The following PADI4 variants were observed in gnomAD, a reference collection of about 807,000 sequenced individuals.
The protein encoded by PADI4 is protein-arginine deiminase type-4.
PADI4 carries 62 observed loss-of-function variants against 75.0 expected under a neutral mutation model. The ratio of observed to expected loss-of-function variants is 0.83; its 90% CI spans 0.67 to 1.02. PADI4 has a LOEUF of 1.02. PADI4 is among the 50% of genes least tolerant of loss of function. The pLI is 0.00. For synonymous variants in PADI4, 361 were observed against 348.1 expected (o/e 1.04, Z -0.41); for missense variants, 845 against 850.5 (o/e 0.99, Z 0.08).
Position 17,342,307 on chromosome 1 carries a change from C to T in PADI4, c.840C>T (p.Pro280=), listed in dbSNP as rs372048510. ...SLLDTSNLEL[P]EAVVFQDSVV... is the part of the protein sequence containing the mutation. The stretch of plus-strand genomic sequence containing the variant: ...TACCCCCTCCCCTGCAGGAGCTCCC[C>T]GAGGCTGTGGTGTTCCAAGACAGCG... Residue 280 remains proline, a synonymous_variant, in exon 8 of 16, where the codon CCC becomes CCT. Transcript: ENST00000375448. The T allele has an allele frequency of 3.1e-5, 50 of 1,612,030 alleles. No homozygotes were observed. The African/African-American group carries it at 4.3e-4, about 14-fold the overall frequency.
intron 1 of PADI4, among the ~76,000 whole-genome samples, chr1:17,314,293 G>A (rs1367864952): frequency 6.6e-6 from 1 of 152,214 alleles, no homozygotes; most frequent in African/African-American, 2.4e-5. Flanking sequence ...TGGAAGGCCT[G>A]GCTTATCACT....
At chr1:17,363,429 T>C in intron 15 of PADI4, 93 bp from the exon 16 acceptor site, 1 of 833,712 alleles carries the variant, frequency 1.2e-6, no homozygotes, top group East Asian at 2.7e-5. Context: ...GGAGGGGCTA[T>C]TATTTCCAAA....
intron 1 of PADI4, among the ~76,000 whole-genome samples, chr1:17,330,578 T>C (rs2074192576): frequency 6.6e-6 from 1 of 151,606 alleles, no homozygotes; most frequent in Non-Finnish European, 1.5e-5. Flanking sequence ...AGTCCCAGAG[T>C]CGAAAAGCCA....
chr1:17,344,000 G>A (rs1264085534), intron 8 of PADI4, among the ~76,000 whole-genome samples: 1 of 152,196 alleles, frequency 6.6e-6, no homozygotes, highest in Non-Finnish European at 1.5e-5. Flanking sequence ...GGAGGGCTCA[G>A]AGGAAGACAG....
At chr1:17,317,312 A>C (rs1380753539) in intron 1 of PADI4, among the ~76,000 whole-genome samples, 1 of 152,006 alleles carries the variant, frequency 6.6e-6, no homozygotes, top group Non-Finnish European at 1.5e-5. Flanking sequence ...CTTGTCGCCT[A>C]GGCTGGAGTG....
At chr1:17,352,567 G>A (rs936397332) in intron 10 of PADI4, among the ~76,000 whole-genome samples, 3 of 152,094 alleles carry the variant, frequency 2.0e-5, no homozygotes, top group Admixed American at 6.5e-5. Context: ...ATGAGATTCC[G>A]GCTATGTCTG....
At chr1:17,329,710 G>A (rs868639313) in intron 1 of PADI4, among the ~76,000 whole-genome samples, 8 of 152,130 alleles carry the variant, frequency 5.3e-5, no homozygotes, top group African/African-American at 1.7e-4. Flanking sequence ...CTATTTTCCC[G>A]AAATACTATA....
At chr1:17,321,223 G>A (rs2074027202) in intron 1 of PADI4, among the ~76,000 whole-genome samples, 1 of 152,196 alleles carries the variant, frequency 6.6e-6, no homozygotes, top group Non-Finnish European at 1.5e-5. Flanking sequence ...CCCTCCAGAT[G>A]AGGGGCAGGT....
At chr1:17,347,502 C>T (rs370013004) in intron 9 of PADI4, among the ~76,000 whole-genome samples, 10 of 152,080 alleles carry the variant, frequency 6.6e-5, no homozygotes, top group East Asian at 3.9e-4. Context: ...GGGAGGAGGC[C>T]GCGAGCTCTG....
chr1:17,311,772 G>A (rs56065755), intron 1 of PADI4, among the ~76,000 whole-genome samples: 2 of 151,978 alleles, frequency 1.3e-5, no homozygotes, highest in East Asian at 3.9e-4. Context: ...TGATCCACCC[G>A]CCTCGGCCTC....
At chr1:17,311,673 T>C (rs1027101481) in intron 1 of PADI4, among the ~76,000 whole-genome samples, 38 of 152,196 alleles carry the variant, frequency 2.5e-4, no homozygotes, top group African/African-American at 6.7e-4. Context: ...TACAGGCGCC[T>C]GCCACCATGC....
At chr1:17,332,667 C>A (rs1043594586) in intron 2 of PADI4, among the ~76,000 whole-genome samples, 1 of 152,324 alleles carries the variant, frequency 6.6e-6, no homozygotes, top group Non-Finnish European at 1.5e-5. Context: ...ACCTACTACA[C>A]CCCCTTTGCC....
At chr1:17,329,750 C>T (rs2074177274) in intron 1 of PADI4, among the ~76,000 whole-genome samples, 2 of 152,242 alleles carry the variant, frequency 1.3e-5, no homozygotes, top group South Asian at 2.1e-4. Flanking sequence ...TTTTGGATGT[C>T]ACTGTTGTTG....
rs778337840 is a variant in PADI4, at chr1:17,356,401, G to C, written c.1500G>C (p.Leu500=). 1 of 1,613,716 alleles carries C rather than the reference G, an allele frequency of 6.2e-7. No homozygotes were observed. The highest frequency in any genetic ancestry group is 8.5e-7 in the Non-Finnish European group (1 of 1,179,804). Reference sequence around the variant, plus strand: ...CCAGCCCCAGGTCCTGCTACAAACTGTTCCAGGAGCAGCAGAATGAGGGCC... The same window carrying C: ...CCAGCCCCAGGTCCTGCTACAAACTCTTCCAGGAGCAGCAGAATGAGGGCC... ...LLASPRSCYK[L]FQEQQNEGHG... The change falls in exon 13 of 16, where the codon CTG becomes CTC. Residue 500 remains leucine (L), a synonymous_variant. Transcript: ENST00000375448. This position sits in a 1 kb window ranked among gnomAD's most constrained non-coding sequence, Gnocchi z 4.1.
At chr1:17,322,758 A>T (rs938874305) in intron 1 of PADI4, among the ~76,000 whole-genome samples, 67 of 151,930 alleles carry the variant, frequency 4.4e-4, no homozygotes, top group Non-Finnish European at 8.4e-4. Flanking sequence ...AAGTGGTAAG[A>T]TTCATTTTCT....
intron 1 of PADI4, among the ~76,000 whole-genome samples, chr1:17,313,742 A>C (rs1317097689): frequency 1.3e-5 from 2 of 152,064 alleles, no homozygotes; most frequent in African/African-American, 4.8e-5. Context: ...GAGATGGCGG[A>C]TGCTGGAGTT....
chr1:17,317,676 A>C (rs1317705210), intron 1 of PADI4, among the ~76,000 whole-genome samples: 1 of 152,132 alleles, frequency 6.6e-6, no homozygotes, highest in Admixed American at 6.5e-5. Flanking sequence ...CTTCTTTGGC[A>C]GTGGTTCTCA....
At chr1:17,348,907 T>C (rs2074570100) in intron 10 of PADI4, 1 of 151,592 alleles carries the variant, frequency 6.6e-6, no homozygotes, top group South Asian at 2.1e-4. Flanking sequence ...ACGGAAGGAG[T>C]GTGGGGTCCA....
chr1:17,342,112 GTCC>G lies in PADI4; in HGVS notation c.823_825del (p.Ser275del). The G allele has an allele frequency of 1.2e-6, 2 of 1,613,796 alleles. No individual in the cohort carries two copies. The highest frequency in any genetic ancestry group is 1.7e-6 in the Non-Finnish European group (2 of 1,179,906). On this transcript the variant is annotated inframe_deletion, in exon 7 of 16. Coordinates refer to ENST00000375448, the MANE Select transcript of PADI4 (RefSeq NM_012387.3). ...CCCTCACCATCTCCCTGCTGGACACGTCCAACCTGGTAGGCCGAGAAGGCAGCC... is the reference window on the plus strand; with the variant it reads ...CCCTCACCATCTCCCTGCTGGACACGAACCTGGTAGGCCGAGAAGGCAGCC...
Sources: allele counts gnomAD v4.1 joint callset (sites outside exome capture counted in the v4.1 genomes callset), GRCh38; gene constraint gnomAD v4.1.1; non-coding constraint Gnocchi (gnomAD v3.1); transcripts MANE v1.5; gene names NCBI Gene and HGNC (gene_info 2026-07-23, HGNC 2026-07-21).